PCTP: variants seen among roughly 807,000 people sequenced by gnomAD.
The protein encoded by PCTP is phosphatidylcholine transfer protein.
A neutral mutation model predicts 31.0 loss-of-function variants in PCTP; 27 were observed. That is an observed-to-expected ratio of 0.87 (90% CI 0.64 to 1.20). The LOEUF is 1.20. Among genes scored for constraint, PCTP ranks in the 50% most tolerant of loss-of-function variants. PCTP has a pLI of 0.00. For missense variants in PCTP, 287 were observed against 268.2 expected (o/e 1.07, Z -0.49); for synonymous variants, 108 against 101.2 (o/e 1.07, Z -0.40).
rs115853985 is a variant in PCTP, at chr17:55,806,153, A to G, written c.318-16608A>G. ...AGTCCTATTATTAGAAAATAGAAGT[A>G]TAGGCAAGCAAGAAAAACAGAAAGA... On this transcript the variant is annotated intron_variant, in intron 3 of 3. Coordinates refer to the PCTP transcript ENST00000572536. Among the ~76,000 whole-genome samples, 333 of 152,144 alleles carry G rather than the reference A, an allele frequency of 2.2e-3. 1 individual carries two copies. Among genetic ancestry groups the G allele is most frequent in the African/African-American group, 7.8e-3 (322 of 41,498 alleles).
chr17:55,763,634 G>A (rs574362843), intron 1 of PCTP, among the ~76,000 whole-genome samples: 109 of 151,912 alleles, frequency 7.2e-4, no homozygotes, highest in African/African-American at 1.4e-3. Flanking sequence ...TGTGATTCCC[G>A]TTTGATAATG....
downstream of PCTP, among the ~76,000 whole-genome samples, chr17:55,823,472 C>A (rs773406248): frequency 1.3e-5 from 2 of 152,170 alleles, no homozygotes; most frequent in African/African-American, 4.8e-5. Context: ...GCAAAGCTTC[C>A]GCCTCAGAGC....
chr17:55,773,187 A>G (rs1439631371), intron 3 of PCTP, among the ~76,000 whole-genome samples: 2 of 152,210 alleles, frequency 1.3e-5, no homozygotes, highest in African/African-American at 4.8e-5. Flanking sequence ...ATCAGCTGTA[A>G]CATTGCTTGA....
chr17:55,761,908 G>T (rs1910359644), intron 1 of PCTP, among the ~76,000 whole-genome samples: 1 of 152,050 alleles, frequency 6.6e-6, no homozygotes, highest in South Asian at 2.1e-4. Context: ...CTTGATGTCA[G>T]ATTTTTAAAA....
chr17:55,753,681 A>G (rs920117870), intron 1 of PCTP, among the ~76,000 whole-genome samples: 5 of 152,150 alleles, frequency 3.3e-5, no homozygotes, highest in Non-Finnish European at 5.9e-5. Flanking sequence ...TCACATTTCC[A>G]TCATTCTCTC....
chr17:55,828,422 C>T (rs929067253), intron 5 of PCTP, among the ~76,000 whole-genome samples: 2 of 152,196 alleles, frequency 1.3e-5, no homozygotes, highest in Non-Finnish European at 2.9e-5. Flanking sequence ...AGCATCACTC[C>T]AACCTCTGCC....
intron 1 of PCTP, among the ~76,000 whole-genome samples, chr17:55,758,702 G>A (rs970513126): frequency 5.3e-5 from 8 of 152,170 alleles, no homozygotes; most frequent in Non-Finnish European, 7.3e-5. Context: ...CATAGACCAA[G>A]GCCAGCTCCT....
chr17:55,772,547 A>G (rs1341696298), intron 3 of PCTP, among the ~76,000 whole-genome samples: 1 of 141,466 alleles, frequency 7.1e-6, no homozygotes, highest in South Asian at 2.2e-4. Context: ...AGATCGTGAC[A>G]CTCTACTCCA....
At chr17:55,836,760 C>T (rs1905790100) in intron 5 of PCTP, among the ~76,000 whole-genome samples, 1 of 152,184 alleles carries the variant, frequency 6.6e-6, no homozygotes, top group Non-Finnish European at 1.5e-5. Context: ...TGAAATTTTC[C>T]TTGGTCACCT....
Position 55,776,639 on chromosome 17 carries a change from A to G in PCTP, c.*539A>G. The stretch of plus-strand genomic sequence containing the variant: ...TGACGTGCCAATGTCCATTTGCCTT[A>G]TGCTTTGTGGAGCTGATTAGGCTGG... On this transcript the variant is annotated 3_prime_UTR_variant, in exon 6 of 6. Transcript: ENST00000268896. 8.1e-7 allele frequency: 1 copy of G among 1,229,820 alleles called. No individual in the cohort carries two copies. The highest frequency in any genetic ancestry group is 1.0e-6 in the Non-Finnish European group (1 of 987,328). 76.2% of individuals were successfully genotyped at this position (1,229,820 alleles called of 1,614,324 possible). A position where few individuals can be genotyped will look rare whatever the true frequency, so the allele number is the denominator to read the frequency against.
chr17:55,806,689 A>T (rs1912591437), intron 3 of PCTP, among the ~76,000 whole-genome samples: 1 of 152,054 alleles, frequency 6.6e-6, no homozygotes, highest in Admixed American at 6.6e-5. Context: ...TCCCAGTTAA[A>T]CCTCGGTACT....
Position 55,767,316 on chromosome 17 carries a change from A to G in PCTP, c.142-19A>G, listed in dbSNP as rs756965165. On this transcript the variant is annotated intron_variant, in intron 1 of 5. Coordinates refer to ENST00000268896, the MANE Select transcript of PCTP (RefSeq NM_021213.4). Reference sequence around the variant, plus strand: ...AACTTGGGAACCAATAGACATTTCTACCTGTTCTGTTTTTATAGAAGACTG... The same window carrying G: ...AACTTGGGAACCAATAGACATTTCTGCCTGTTCTGTTTTTATAGAAGACTG... 1.4e-6 allele frequency: 2 copies of G among 1,471,986 alleles called. No homozygotes were observed. The highest frequency in any genetic ancestry group is 1.4e-5 in the African/African-American group (1 of 71,750). 91.2% of individuals were successfully genotyped at this position (1,471,986 alleles called of 1,614,324 possible). A position where few individuals can be genotyped will look rare whatever the true frequency, so the allele number is the denominator to read the frequency against.
chr17:55,798,140 CT>C (rs1208874170), intron 3 of PCTP, among the ~76,000 whole-genome samples: 3 of 151,806 alleles, frequency 2.0e-5, no homozygotes, highest in African/African-American at 7.3e-5. Flanking sequence ...GTGAGACTTA[CT>C]GAATGTAAAA....
In PCTP at chr17:55,822,868, TAA is replaced by T. The variant is rs1169856999; in HGVS notation, c.427_428del (p.Lys143AspfsTer15). ...TTGAGTGGAAGGAAGAGGAAGGACA[TAA>T]AGATAAAGACATGAGAAAAGAAGCT... On this transcript the variant is annotated frameshift_variant, in exon 4 of 4. Coordinates refer to the PCTP transcript ENST00000572536. LOFTEE classifies it high-confidence loss of function. The T allele has an allele frequency of 1.7e-6, 2 of 1,189,618 alleles. No individual in the cohort carries two copies. The highest frequency in any genetic ancestry group is 2.1e-6 in the Non-Finnish European group (2 of 950,250). 73.7% of individuals were successfully genotyped at this position (1,189,618 alleles called of 1,614,324 possible). A position where few individuals can be genotyped will look rare whatever the true frequency, so the allele number is the denominator to read the frequency against.
chr17:55,838,375 G>A (rs1056424985), intron 5 of PCTP, among the ~76,000 whole-genome samples: 5 of 152,134 alleles, frequency 3.3e-5, no homozygotes, highest in African/African-American at 9.7e-5. Flanking sequence ...TCATGATTTT[G>A]TTAGCATATA....
At chr17:55,788,777 G>A (rs1416345006) in intron 3 of PCTP, among the ~76,000 whole-genome samples, 2 of 152,048 alleles carry the variant, frequency 1.3e-5, no homozygotes, top group South Asian at 2.1e-4. Context: ...TAAAATGTTC[G>A]GGGGAAATTT....
intron 4 of PCTP, among the ~76,000 whole-genome samples, chr17:55,774,507 C>T (rs1911198128): frequency 6.6e-6 from 1 of 152,130 alleles, no homozygotes; most frequent in African/African-American, 2.4e-5. Flanking sequence ...TTACCATCTC[C>T]TTAGGATTGC....
chr17:55,830,560 A>G (rs958524294), intron 5 of PCTP, among the ~76,000 whole-genome samples: 6 of 152,224 alleles, frequency 3.9e-5, no homozygotes, highest in Admixed American at 3.9e-4. Context: ...CAGGAAAAAT[A>G]ACATCGTTTT....
intron 3 of PCTP, among the ~76,000 whole-genome samples, chr17:55,817,703 T>C (rs1354432903): frequency 1.1e-4 from 16 of 152,208 alleles, no homozygotes; most frequent in Admixed American, 1.0e-3. Flanking sequence ...TTTCACAGGC[T>C]TGCACTCCTT....
Sources: gnomAD v4.1 joint callset for allele counts (sites outside exome capture counted in the v4.1 genomes callset) on GRCh38, gnomAD v4.1.1 for gene constraint, MANE v1.5 for transcripts, NCBI Gene and HGNC (gene_info 2026-07-23, HGNC 2026-07-21) for gene names.